The following SPIDR variants were observed in gnomAD, a reference collection of about 807,000 sequenced individuals.
SPIDR encodes the protein scaffold protein involved in DNA repair.
A neutral mutation model predicts 104.6 loss-of-function variants in SPIDR; 93 were observed. The observed-to-expected ratio is 0.89, with a 90% CI of 0.75 to 1.06. The LOEUF (loss-of-function observed/expected upper bound fraction) is 1.06. SPIDR is among the 50% of genes least tolerant of loss of function. SPIDR has a pLI of 0.00. For missense variants in SPIDR, 1,154 were observed against 1,111.2 expected, an observed-to-expected ratio of 1.04 and a Z score of -0.55; for synonymous variants, 431 against 416.9, an observed-to-expected ratio of 1.03 and a Z score of -0.41.
At chr8:47,377,249 A>G (rs1246094591) in intron 5 of SPIDR, among the ~76,000 whole-genome samples, 3 of 152,172 alleles carry the variant, frequency 2.0e-5, no homozygotes, top group Admixed American at 1.3e-4. Flanking sequence ...TTTACATCTC[A>G]CTGTACTGAA....
intron 16 of SPIDR, among the ~76,000 whole-genome samples, chr8:47,720,886 T>C (rs2083299497): frequency 6.6e-6 from 1 of 152,044 alleles, no homozygotes; most frequent in African/African-American, 2.4e-5. Flanking sequence ...TCCTCCTGAG[T>C]AGCTGGGATT....
At chr8:47,699,611 A>G (rs891818761) in intron 11 of SPIDR, among the ~76,000 whole-genome samples, 6 of 152,220 alleles carry the variant, frequency 3.9e-5, no homozygotes, top group South Asian at 4.1e-4. Context: ...CTGGACTGCA[A>G]TGATGTGATC....
chr8:47,566,890 T>C (rs1187031784), intron 8 of SPIDR, among the ~76,000 whole-genome samples: 2 of 151,850 alleles, frequency 1.3e-5, no homozygotes, highest in African/African-American at 4.8e-5. Flanking sequence ...GTAGATGTGA[T>C]ACTGTGGAAG....
At chr8:47,648,327 CAG>C (rs2070960432) in intron 10 of SPIDR, among the ~76,000 whole-genome samples, 2 of 152,164 alleles carry the variant, frequency 1.3e-5, no homozygotes, top group African/African-American at 4.8e-5. Flanking sequence ...GGAGGGAGAA[CAG>C]AGTTGGAGAG....
intron 8 of SPIDR, among the ~76,000 whole-genome samples, chr8:47,473,065 C>G (rs1408479449): frequency 6.6e-6 from 1 of 152,198 alleles, no homozygotes; most frequent in African/African-American, 2.4e-5. Context: ...GCACTCTCTC[C>G]AGGGCTGCCG....
intron 8 of SPIDR, 117 bp from the exon 9 acceptor site, chr8:47,595,694 C>A: frequency 1.1e-6 from 1 of 907,862 alleles, no homozygotes; most frequent in Non-Finnish European, 1.7e-6. Context: ...TGTGGGTGGG[C>A]TTGGCTTTAG....
chr8:47,525,055 G>A (rs1053446185), intron 8 of SPIDR, among the ~76,000 whole-genome samples: 1 of 152,208 alleles, frequency 6.6e-6, no homozygotes, highest in Non-Finnish European at 1.5e-5. Context: ...CTGATCCGAG[G>A]CATTCTTCCC....
At chr8:47,422,417 G>A (rs2065677952) in intron 7 of SPIDR, among the ~76,000 whole-genome samples, 1 of 152,204 alleles carries the variant, frequency 6.6e-6, no homozygotes, top group Non-Finnish European at 1.5e-5. Flanking sequence ...CCACGTGCGG[G>A]ATACAATCTC....
At chr8:47,662,598 A>G (rs2074296789) in intron 10 of SPIDR, among the ~76,000 whole-genome samples, 1 of 152,190 alleles carries the variant, frequency 6.6e-6, no homozygotes, top group African/African-American at 2.4e-5. Context: ...CACCAGTGCC[A>G]TTATTCCCTT....
At chr8:47,659,321 A>G (rs2073611197) in intron 10 of SPIDR, among the ~76,000 whole-genome samples, 1 of 152,226 alleles carries the variant, frequency 6.6e-6, no homozygotes, top group Non-Finnish European at 1.5e-5. Flanking sequence ...TAGCAAAGTA[A>G]GATTGTTATT....
chr8:47,660,660 C>A, intron 10 of SPIDR: 1 of 338,412 alleles, frequency 3.0e-6, no homozygotes, highest in Non-Finnish European at 4.2e-6. Context: ...GCTTTACCCA[C>A]AGTGGAGCTT....
chr8:47,360,366 G>A (rs1449888028), intron 5 of SPIDR, among the ~76,000 whole-genome samples: 5 of 151,622 alleles, frequency 3.3e-5, no homozygotes, highest in African/African-American at 9.7e-5. Flanking sequence ...ACTATTTCTC[G>A]GTAGTCCCTA....
intron 8 of SPIDR, among the ~76,000 whole-genome samples, chr8:47,492,359 A>G (rs1554740602): frequency 6.6e-6 from 1 of 151,898 alleles, no homozygotes; most frequent in African/African-American, 2.4e-5. Flanking sequence ...CATTTCCTCT[A>G]CGGAGGGGTT....
At chr8:47,329,292 C>T (rs910468399) in intron 5 of SPIDR, among the ~76,000 whole-genome samples, 2 of 151,864 alleles carry the variant, frequency 1.3e-5, no homozygotes, top group South Asian at 2.1e-4. Flanking sequence ...AGGATGGTCT[C>T]GATCTCCTGA....
intron 10 of SPIDR, among the ~76,000 whole-genome samples, chr8:47,614,302 A>G (rs1588404302): frequency 6.6e-6 from 1 of 151,602 alleles, no homozygotes; most frequent in African/African-American, 2.4e-5. Context: ...GCTCACTGCA[A>G]CCTCTGCCTC....
At chr8:47,337,052 G>T (rs1215444901) in intron 5 of SPIDR, among the ~76,000 whole-genome samples, 1 of 152,122 alleles carries the variant, frequency 6.6e-6, no homozygotes, top group Non-Finnish European at 1.5e-5. Context: ...TTGGCCATTT[G>T]TATATGTTCT....
Position 47,729,041 on chromosome 8 carries a change from G to A in SPIDR, c.2544G>A (p.Lys848=), listed in dbSNP as rs1336279146. ...DCRSRPQCRV[K]VKLLQRSISS... The stretch of plus-strand genomic sequence containing the variant: ...GCTCAAGACCGCAGTGCAGAGTGAA[G>A]GTCAAGGTAGGAGCCAGGCCAGAGC... Residue 848 remains lysine (K), a synonymous_variant, in exon 18 of 20, where the codon AAG becomes AAA. Transcript: ENST00000297423. 6.2e-7 allele frequency: 1 copy of A among 1,613,736 alleles called. No homozygotes were observed.
In SPIDR at chr8:47,673,956, G is replaced by C; in HGVS notation, c.1685+15G>C. The C allele has an allele frequency of 6.2e-7, 1 of 1,607,900 alleles. No individual in the cohort carries two copies. The highest frequency in any genetic ancestry group is 8.5e-7 in the Non-Finnish European group (1 of 1,176,488). ...ACCAGAGGAAGGTGAGAACGTGCAG[G>C]AATGGCATCCAATTTGCTACAATTG... On this transcript the variant is annotated intron_variant, in intron 11 of 19. Coordinates refer to ENST00000297423, the MANE Select transcript of SPIDR (RefSeq NM_001080394.4).
chr8:47,327,623 C>T (rs889424445), intron 5 of SPIDR, among the ~76,000 whole-genome samples: 11 of 152,072 alleles, frequency 7.2e-5, no homozygotes, highest in East Asian at 1.9e-4. Context: ...AGTGGAGTGG[C>T]GCAATCTTGG....
Sources: gnomAD v4.1 joint callset for allele counts (sites outside exome capture counted in the v4.1 genomes callset) on GRCh38, gnomAD v4.1.1 for gene constraint, MANE v1.5 for transcripts, NCBI Gene and HGNC (gene_info 2026-07-23, HGNC 2026-07-21) for gene names.